SLC22A13: variants seen among roughly 807,000 people sequenced by gnomAD.
The protein encoded by SLC22A13 is organic anion transporter 10.
Under a neutral mutation model 49.1 loss-of-function variants are expected in SLC22A13, and 42 were observed. The ratio of observed to expected loss-of-function variants is 0.85; its 90% CI spans 0.67 to 1.11. SLC22A13 has a LOEUF of 1.11. Among genes scored for constraint, SLC22A13 ranks in the 50% least tolerant of loss-of-function variants. The pLI is 0.00. For synonymous variants in SLC22A13, 282 were observed against 293.1 expected (o/e 0.96, Z 0.39); for missense variants, 694 against 712.8 (o/e 0.97, Z 0.30).
intron 1 of SLC22A13, among the ~76,000 whole-genome samples, chr3:38,269,604 G>A (rs551379644): frequency 3.3e-5 from 5 of 152,248 alleles, no homozygotes; most frequent in African/African-American, 1.2e-4. Context: ...TTAGTGTGAT[G>A]GCGACAAAAG....
At position 38,275,906 on chromosome 3, in the gene SLC22A13, C is replaced by T. The variant is rs752642860; in HGVS notation, c.1047C>T (p.Tyr349=). The change falls in exon 7 of 10, where the codon TAC becomes TAT. Residue 349 remains tyrosine, a synonymous_variant. Transcript: ENST00000311856. ...CVWFVDSLGY[Y]GLSLQVGDFG... is the part of the protein sequence containing the mutation. ...GGTTTGTGGACAGTCTGGGGTACTA[C>T]GGCCTGAGCCTCCAAGTGGGGGACT... is the stretch of plus-strand genomic sequence containing the variant. 2.3e-5 allele frequency: 37 copies of T among 1,614,016 alleles called. No homozygotes were observed. Among genetic ancestry groups the T allele is most frequent in the South Asian group, 1.6e-4 (15 of 91,080 alleles).
intron 8 of SLC22A13, 148 bp from the exon 9 acceptor site, chr3:38,276,764 C>T: frequency 1.5e-6 from 1 of 687,976 alleles, no homozygotes; most frequent in Non-Finnish European, 2.5e-6. Flanking sequence ...GAGGCAGGAG[C>T]AGAGAGCAGG....
rs556860725 is a variant in SLC22A13 at position 38,277,498 on chromosome 3, A to G, written c.*33A>G. ...CTCTAAGAGCTGGACCATCAGCAGCAGGGAGCTGCCTAAACACCTCCTTGG... is the reference window on the plus strand; with the variant it reads ...CTCTAAGAGCTGGACCATCAGCAGCGGGGAGCTGCCTAAACACCTCCTTGG... On this transcript the variant is annotated 3_prime_UTR_variant, in exon 10 of 10. Coordinates refer to ENST00000311856, the MANE Select transcript of SLC22A13 (RefSeq NM_004256.4). 3.3e-6 allele frequency: 5 copies of G among 1,533,188 alleles called. No homozygotes were observed. The African/African-American group carries it at 4.1e-5, about 13-fold the overall frequency. 95.0% of individuals were successfully genotyped at this position (1,533,188 alleles called of 1,614,324 possible). A position where few individuals can be genotyped will look rare whatever the true frequency, so the allele number is the denominator to read the frequency against.
chr3:38,276,419 GCTC>G (rs1703585483), intron 8 of SLC22A13, 24 bp downstream of exon 8: 5 of 1,502,774 alleles, frequency 3.3e-6, no homozygotes, highest in Non-Finnish European at 4.6e-6. Context: ...TGTGACTCCT[GCTC>G]CTCTGCTACT....
Position 38,276,099 on chromosome 3 carries a change from A to G in SLC22A13, c.1237+3A>G. ...CATCATCATCTTCATCCCAGCAGGT[A>G]TCAGGGCTGGCTATCCCTCACCCGC... On this transcript the variant is annotated splice_donor_region_variant and intron_variant, in intron 7 of 9. Transcript: ENST00000311856. 6.2e-7 allele frequency: 1 copy of G among 1,612,320 alleles called. No homozygotes were observed. The highest frequency in any genetic ancestry group is 8.5e-7 in the Non-Finnish European group (1 of 1,179,002).
At chr3:38,273,379 CA>C (rs1406780968) in intron 1 of SLC22A13, among the ~76,000 whole-genome samples, 2 of 152,136 alleles carry the variant, frequency 1.3e-5, no homozygotes, top group Non-Finnish European at 2.9e-5. Flanking sequence ...CACATTCTCT[CA>C]TTCTCTCCCT....
rs780228801 is a variant in SLC22A13, at chr3:38,274,981, T to C, written c.638-8T>C. On this transcript the variant is annotated splice_region_variant and splice_polypyrimidine_tract_variant and intron_variant, in intron 3 of 9. Coordinates refer to ENST00000311856, the MANE Select transcript of SLC22A13 (RefSeq NM_004256.4). ...ATTAGCCCTGTCTCAACCTCTCCAT[T>C]GCCACAGTGACAGAATGGGTGGGGC... is the stretch of plus-strand genomic sequence containing the variant. The C allele has an allele frequency of 3.1e-6, 5 of 1,613,204 alleles. No homozygotes were observed. The South Asian group carries it at 5.5e-5, about 18-fold the overall frequency.
At chr3:38,268,534 G>T (rs1703486222) in intron 1 of SLC22A13, among the ~76,000 whole-genome samples, 1 of 152,114 alleles carries the variant, frequency 6.6e-6, no homozygotes, top group South Asian at 2.1e-4. Context: ...TGACAGGAAA[G>T]ACTTTTTTTC....
At chr3:38,271,715 G>T (rs1049277778) in intron 1 of SLC22A13, among the ~76,000 whole-genome samples, 3 of 152,130 alleles carry the variant, frequency 2.0e-5, no homozygotes, top group Non-Finnish European at 4.4e-5. Context: ...CTGGGGTCTG[G>T]AGGCGTGAAA....
At position 38,276,093 on chromosome 3, in the gene SLC22A13, G is replaced by C. The variant is rs1346795592; in HGVS notation, c.1234G>C (p.Ala412Pro). ...GTGTATCATCATCATCTTCATCCCA[G>C]CAGGTATCAGGGCTGGCTATCCCTC... ...LMCIIIIFIPADLPVVVTMLA... is the reference protein window; with the variant it reads ...LMCIIIIFIPPDLPVVVTMLA... Residue 412 changes from alanine to proline, a missense_variant, in exon 7 of 10, where the codon GCA becomes CCA. By Grantham distance (27) the Ala-to-Pro change is conservative. Coordinates refer to ENST00000311856, the MANE Select transcript of SLC22A13 (RefSeq NM_004256.4). 4 of 1,612,968 alleles carry C rather than the reference G, an allele frequency of 2.5e-6. No homozygotes were observed. The highest frequency in any genetic ancestry group is 3.4e-6 in the Non-Finnish European group (4 of 1,179,400).
At position 38,274,705 on chromosome 3, in the gene SLC22A13, G is replaced by T. The variant is rs781564187; in HGVS notation, c.584G>T (p.Arg195Leu). 1 of 1,614,090 alleles carries T rather than the reference G, an allele frequency of 6.2e-7. No individual in the cohort carries two copies. The highest frequency in any genetic ancestry group is 8.5e-7 in the Non-Finnish European group (1 of 1,180,046). Residue 195 changes from arginine to leucine, a missense_variant, in exon 3 of 10, where the codon CGC becomes CTC. Transcript: ENST00000311856. ...AGCTTTGAGCTCTACATGGCCCTGC[G>T]CTTTGCTGTGGCTACTGCCGTCGCT... Reference protein sequence around the residue: ...VPSFELYMALRFAVATAVAGL... With the variant: ...VPSFELYMALLFAVATAVAGL...
intron 8 of SLC22A13, 81 bp downstream of exon 8, chr3:38,276,476 C>A: frequency 1.0e-6 from 1 of 983,222 alleles, no homozygotes; most frequent in Non-Finnish European, 1.6e-6. Context: ...CACCCCATTC[C>A]ACAAATAGCT....
Position 38,266,036 on chromosome 3 carries a change from C to T in SLC22A13, c.176C>T (p.Thr59Ile). ...GCAGTGGCTTGGGTGAAGAACCACACTTTCAACCTGAGTGCTGCTGAACAG... is the reference window on the plus strand; with the variant it reads ...GCAGTGGCTTGGGTGAAGAACCACATTTTCAACCTGAGTGCTGCTGAACAG... ...HCAVAWVKNH[T>I]FNLSAAEQLV... Residue 59 changes from threonine to isoleucine, a missense_variant, in exon 1 of 10, where the codon ACT becomes ATT. Coordinates refer to ENST00000311856, the MANE Select transcript of SLC22A13 (RefSeq NM_004256.4). The T allele has an allele frequency of 6.2e-7, 1 of 1,614,220 alleles. No homozygotes were observed. Among genetic ancestry groups the T allele is most frequent in the Non-Finnish European group, 8.5e-7 (1 of 1,180,040 alleles).
rs764597657 is a variant in SLC22A13, at chr3:38,275,980, T to G, written c.1121T>G (p.Val374Gly). ...CAGCTCATCTTTGGAGCTGTTGAGGTGCCTGCCCGCTGTTCCAGCATCTTC... is the reference window on the plus strand; with the variant it reads ...CAGCTCATCTTTGGAGCTGTTGAGGGGCCTGCCCGCTGTTCCAGCATCTTC... ...LTQLIFGAVE[V>G]PARCSSIFMM... Residue 374 changes from valine (V) to glycine (G), a missense_variant, in exon 7 of 10, where the codon GTG becomes GGG. Coordinates refer to ENST00000311856, the MANE Select transcript of SLC22A13 (RefSeq NM_004256.4). The G allele has an allele frequency of 1.9e-6, 3 of 1,614,178 alleles. No individual in the cohort carries two copies. The East Asian group carries it at 6.7e-5, about 36-fold the overall frequency.
chr3:38,266,003 A>AC lies in SLC22A13; in HGVS notation c.145dup (p.His49ProfsTer18). ...GTCTTCATGGTCCTAGATGAGCCCC[A>AC]CCACTGTGCAGTGGCTTGGGTGAAG... On this transcript the variant is annotated frameshift_variant, in exon 1 of 10. Coordinates refer to ENST00000311856, the MANE Select transcript of SLC22A13 (RefSeq NM_004256.4). LOFTEE classifies it high-confidence loss of function. 6.2e-7 allele frequency: 1 copy of AC among 1,614,042 alleles called. No homozygotes were observed. The highest frequency in any genetic ancestry group is 1.1e-5 in the South Asian group (1 of 91,064).
rs1703590682 is a variant in SLC22A13, at chr3:38,276,894, G to T, written c.1347-18G>T. 1 of 1,609,608 alleles carries T rather than the reference G, an allele frequency of 6.2e-7. No individual in the cohort carries two copies. Among genetic ancestry groups the T allele is most frequent in the Non-Finnish European group, 8.5e-7 (1 of 1,177,694 alleles). The stretch of plus-strand genomic sequence containing the variant: ...AGTTGGGCCCAGGTCTACTTAGCTT[G>T]CCCTGGTCTTCCCCCAGGCAGACAG... On this transcript the variant is annotated intron_variant, in intron 8 of 9. Transcript: ENST00000311856.
intron 1 of SLC22A13, among the ~76,000 whole-genome samples, chr3:38,271,699 C>A (rs995462905): frequency 2.0e-5 from 3 of 152,124 alleles, no homozygotes; most frequent in Non-Finnish European, 4.4e-5. Context: ...GAAAGAACAA[C>A]CATTTCTGGG....
At chr3:38,269,390 T>C (rs1053994599) in intron 1 of SLC22A13, among the ~76,000 whole-genome samples, 3 of 152,020 alleles carry the variant, frequency 2.0e-5, no homozygotes, top group Admixed American at 2.0e-4. Context: ...ATCAAGTAGC[T>C]GGGACTACAG....
At chr3:38,276,261 T>C (rs1458327988) in intron 7 of SLC22A13, 26 bp from the exon 8 acceptor site, 1 of 1,586,182 alleles carries the variant, frequency 6.3e-7, no homozygotes, top group East Asian at 2.2e-5. Flanking sequence ...AGGGCCCAGG[T>C]GATGGGGCTG....
Sources: allele counts gnomAD v4.1 joint callset (sites outside exome capture counted in the v4.1 genomes callset), GRCh38; gene constraint gnomAD v4.1.1; transcripts MANE v1.5; gene names NCBI Gene and HGNC (gene_info 2026-07-23, HGNC 2026-07-21).